The following C12orf42 variants were observed in gnomAD, a reference collection of about 807,000 sequenced individuals.
C12orf42 encodes the protein uncharacterized protein C12orf42.
In C12orf42, 25 loss-of-function variants were observed where a neutral mutation model predicts 21.6. The ratio of observed to expected loss-of-function variants is 1.16; its 90% CI spans 0.84 to 1.62. The LOEUF is 1.62. Among genes scored for constraint, C12orf42 ranks in the 40% most tolerant of loss-of-function variants. The probability of loss-of-function intolerance (pLI) is 0.00; values close to 1 mark genes in which losing one functional copy is unlikely to be tolerated. For synonymous variants in C12orf42, 174 were observed against 175.0 expected (o/e 0.99, Z 0.05); for missense variants, 483 against 459.3 (o/e 1.05, Z -0.47).
intron 1 of C12orf42, among the ~76,000 whole-genome samples, chr12:103,494,451 C>G (rs929651285): frequency 3.3e-5 from 5 of 152,124 alleles, no homozygotes; most frequent in African/African-American, 1.2e-4. Context: ...TTTTCTCTTT[C>G]TCTCTCCATT....
intron 5 of C12orf42, among the ~76,000 whole-genome samples, chr12:103,274,189 C>T (rs1029076127): frequency 4.6e-5 from 7 of 152,134 alleles, no homozygotes; most frequent in African/African-American, 1.2e-4. Context: ...GGCAGAGAGA[C>T]GCTAAGTAAT....
At chr12:103,211,124 G>A in the C12orf42 span, among the ~76,000 whole-genome samples, 1 of 151,960 alleles carries the variant, frequency 6.6e-6, no homozygotes, top group Admixed American at 6.6e-5. Flanking sequence ...CTCTTTCTGG[G>A]TTTTCTCTCT....
At chr12:103,348,816 A>T (rs1185457132) in intron 4 of C12orf42, among the ~76,000 whole-genome samples, 2 of 152,218 alleles carry the variant, frequency 1.3e-5, no homozygotes, top group African/African-American at 4.8e-5. Flanking sequence ...CAGCAGAGAC[A>T]AAACAGAGCA....
chr12:103,462,393 G>C (rs1952798141), intron 2 of C12orf42, among the ~76,000 whole-genome samples: 1 of 151,854 alleles, frequency 6.6e-6, no homozygotes. Context: ...TTACAGGTGT[G>C]AGCCACTGCA....
the C12orf42 span, among the ~76,000 whole-genome samples, chr12:103,150,672 T>C: frequency 6.6e-6 from 1 of 152,158 alleles, no homozygotes; most frequent in African/African-American, 2.4e-5. Flanking sequence ...AACCAGGATA[T>C]AGGATTGAGT....
At chr12:103,256,971 CATT>C (rs2034647025) in intron 10 of C12orf42, among the ~76,000 whole-genome samples, 1 of 152,148 alleles carries the variant, frequency 6.6e-6, no homozygotes, top group Non-Finnish European at 1.5e-5. Context: ...GATAGTGTCT[CATT>C]GTGGTTTTGA....
the C12orf42 span, among the ~76,000 whole-genome samples, chr12:103,551,753 G>C: frequency 2.7e-4 from 41 of 152,246 alleles, no homozygotes; most frequent in Admixed American, 1.2e-3. Context: ...GGAGGTGAAG[G>C]TTGCAGTGAG....
chr12:103,532,290 T>C, the C12orf42 span, among the ~76,000 whole-genome samples: 1 of 152,214 alleles, frequency 6.6e-6, no homozygotes, highest in African/African-American at 2.4e-5. Flanking sequence ...GAGAAAATAA[T>C]ATGTATTAAA....
chr12:103,159,400 G>A, the C12orf42 span: 4 of 152,222 alleles, frequency 2.6e-5, no homozygotes, highest in African/African-American at 7.2e-5. Flanking sequence ...TATACTAGAC[G>A]TTCTATGTAT....
At chr12:103,447,174 A>C (rs1199627579) in intron 2 of C12orf42, among the ~76,000 whole-genome samples, 1 of 152,034 alleles carries the variant, frequency 6.6e-6, no homozygotes, top group Non-Finnish European at 1.5e-5. Flanking sequence ...CTCAGACCAC[A>C]GTGGAATAAA....
chr12:103,145,944 CAT>C, the C12orf42 span, among the ~76,000 whole-genome samples: 81 of 149,996 alleles, frequency 5.4e-4, no homozygotes, highest in African/African-American at 1.9e-3. Flanking sequence ...TTTTCGTATA[CAT>C]ATATATATAG....
chr12:103,063,142 G>T, the C12orf42 span, among the ~76,000 whole-genome samples: 1 of 152,080 alleles, frequency 6.6e-6, no homozygotes, highest in Non-Finnish European at 1.5e-5. Context: ...TTCTTTGTTT[G>T]GTTTCTCCTA....
the C12orf42 span, among the ~76,000 whole-genome samples, chr12:103,186,912 C>T: frequency 6.6e-6 from 1 of 152,156 alleles, no homozygotes; most frequent in Admixed American, 6.5e-5. Context: ...CTGCCCTTTC[C>T]ACCTTACTTT....
the C12orf42 span, among the ~76,000 whole-genome samples, chr12:103,078,046 T>A: frequency 1.3e-5 from 2 of 152,336 alleles, no homozygotes; most frequent in East Asian, 3.9e-4. Context: ...AAAAAAAATC[T>A]GCTTTAGCTC....
At chr12:103,152,933 T>G in the C12orf42 span, among the ~76,000 whole-genome samples, 1 of 152,150 alleles carries the variant, frequency 6.6e-6, no homozygotes, top group African/African-American at 2.4e-5. Context: ...AACTAACCTA[T>G]GTACTTAATG....
At chr12:103,100,794 A>T in the C12orf42 span, among the ~76,000 whole-genome samples, 1 of 152,198 alleles carries the variant, frequency 6.6e-6, no homozygotes, top group Non-Finnish European at 1.5e-5. Flanking sequence ...GGCCATGTGG[A>T]GAGGCTTACA....
upstream of C12orf42, among the ~76,000 whole-genome samples, chr12:103,496,709 G>A (rs1366760328): frequency 6.6e-6 from 1 of 151,346 alleles, no homozygotes; most frequent in South Asian, 2.1e-4. Context: ...ACACTCTTCT[G>A]CAGAATCACA....
the C12orf42 span, among the ~76,000 whole-genome samples, chr12:103,175,087 T>C: frequency 6.6e-6 from 1 of 152,186 alleles, no homozygotes; most frequent in South Asian, 2.1e-4. Context: ...TGCAAGGATA[T>C]TATATGCTAT....
intron 4 of C12orf42, among the ~76,000 whole-genome samples, chr12:103,334,779 T>G (rs1033788292): frequency 6.6e-6 from 1 of 152,202 alleles, no homozygotes; most frequent in Non-Finnish European, 1.5e-5. Flanking sequence ...GCTTCAGCAA[T>G]TGTTGCTGCG....
Sources: gnomAD v4.1 joint callset for allele counts (sites outside exome capture counted in the v4.1 genomes callset) on GRCh38, gnomAD v4.1.1 for gene constraint, MANE v1.5 for transcripts, NCBI Gene and HGNC (gene_info 2026-07-23, HGNC 2026-07-21) for gene names.